Variants in METTL8 observed in about 807,000 individuals in gnomAD.
METTL8 encodes tRNA N(3)-cytidine methyltransferase METTL8, mitochondrial.
In METTL8, 32 loss-of-function variants were observed where a neutral mutation model predicts 48.7. That is an observed-to-expected ratio of 0.66 (90% confidence interval 0.50 to 0.88). The LOEUF (loss-of-function observed/expected upper bound fraction) is 0.88, where lower values mean the gene tolerates loss of function less well. METTL8 is among the 40% of genes least tolerant of loss of function. The probability of loss-of-function intolerance (pLI) is 0.00; values close to 1 mark genes in which losing one functional copy is unlikely to be tolerated. For missense variants in METTL8, 464 were observed against 474.4 expected, an observed-to-expected ratio of 0.98 and a Z score of 0.20; for synonymous variants, 136 against 157.1, an observed-to-expected ratio of 0.87 and a Z score of 1.01.
chr2:171,385,670 G>C (rs541503994), intron 2 of METTL8, among the ~76,000 whole-genome samples: 3 of 152,206 alleles, frequency 2.0e-5, no homozygotes, highest in East Asian at 1.9e-4. Flanking sequence ...CTATGAAGAT[G>C]GATGGCTGTC....
chr2:171,410,296 G>A (rs1419511997), intron 1 of METTL8, among the ~76,000 whole-genome samples: 3 of 152,182 alleles, frequency 2.0e-5, no homozygotes, highest in African/African-American at 7.2e-5. Context: ...GAAAAGAAAT[G>A]TCCTTGTTTA....
chr2:171,366,769 C>T (rs1012900849), intron 2 of METTL8, among the ~76,000 whole-genome samples: 5 of 151,684 alleles, frequency 3.3e-5, no homozygotes, highest in Non-Finnish European at 5.9e-5. Context: ...TAGCTCACAC[C>T]TGTAATCCCA....
rs1433492360 is a variant in METTL8, at chr2:171,370,397, A to G, written c.144-9884T>C. ...TATTAGCAAGTAATGCTTTTCTGAC[A>G]ATATAAAAAATGTTCTATAGGTTAG... is the stretch of plus-strand genomic sequence containing the variant. On this transcript the variant is annotated intron_variant, in intron 2 of 9. Coordinates refer to ENST00000375258, the MANE Select transcript of METTL8 (RefSeq NM_001321154.2). Among the ~76,000 whole-genome samples, 3 of 152,196 alleles carry G rather than the reference A, an allele frequency of 2.0e-5. No individual in the cohort carries two copies. In the East Asian group the frequency reaches 5.8e-4, roughly 29 times the overall value.
At chr2:171,434,557 C>T, upstream of METTL8, 1 of 1,525,128 alleles carries the variant, frequency 6.6e-7, no homozygotes, top group Non-Finnish European at 8.8e-7. Context: ...CCAGCCTACC[C>T]AGGGCCCGGC....
At chr2:171,416,283 G>T (rs1202915106) in intron 1 of METTL8, among the ~76,000 whole-genome samples, 1 of 152,174 alleles carries the variant, frequency 6.6e-6, no homozygotes, top group East Asian at 1.9e-4. Flanking sequence ...TCTACACCAG[G>T]ACAAGAGGAT....
intron 1 of METTL8, among the ~76,000 whole-genome samples, chr2:171,427,072 G>A (rs1411750748): frequency 6.6e-6 from 1 of 152,156 alleles, no homozygotes; most frequent in Non-Finnish European, 1.5e-5. Context: ...ATCACATCAT[G>A]TTTCCAATTT....
chr2:171,369,296 A>ACC (rs973444789), intron 2 of METTL8, among the ~76,000 whole-genome samples: 5 of 152,140 alleles, frequency 3.3e-5, no homozygotes, highest in African/African-American at 1.2e-4. Context: ...AGAGAGCGAG[A>ACC]CTCTGTCTCA....
rs117279253 is a variant in METTL8, at chr2:171,355,237, C to T, written c.235+5185G>A. Among the ~76,000 whole-genome samples, 380 of 152,324 alleles carry T rather than the reference C, an allele frequency of 2.5e-3. 7 individuals carry two copies. In the East Asian group the frequency reaches 0.028, roughly 11 times the overall value. On this transcript the variant is annotated intron_variant, in intron 3 of 9. Transcript: ENST00000375258. ...GTTGGAATTTGCTGGAGGTCCACTC[C>T]GGACCCTGTTAACCTAGGTATCACC...
chr2:171,367,727 CTGTATGA>C (rs1298896063), intron 2 of METTL8, among the ~76,000 whole-genome samples: 3 of 152,064 alleles, frequency 2.0e-5, no homozygotes. Flanking sequence ...TAGAGGTAAA[CTGTATGA>C]CAACAATATC....
At chr2:171,371,662 C>G (rs571319292) in intron 2 of METTL8, among the ~76,000 whole-genome samples, 2 of 151,876 alleles carry the variant, frequency 1.3e-5, no homozygotes, top group Non-Finnish European at 2.9e-5. Context: ...CAGCCTATAA[C>G]AAGGTTTTTT....
intron 3 of METTL8, among the ~76,000 whole-genome samples, chr2:171,359,893 G>A (rs1198483116): frequency 2.0e-5 from 3 of 152,074 alleles, no homozygotes; most frequent in Non-Finnish European, 2.9e-5. Context: ...GCCGGCTCCT[G>A]AGTTTTTTTG....
At chr2:171,340,963 C>G (rs1686688687) in intron 3 of METTL8, among the ~76,000 whole-genome samples, 1 of 152,208 alleles carries the variant, frequency 6.6e-6, no homozygotes, top group Admixed American at 6.5e-5. Flanking sequence ...ATCCTGTGGT[C>G]AGGGTTAGGT....
intron 3 of METTL8, 21 bp downstream of exon 3, chr2:171,360,401 C>A (rs752282136): frequency 6.2e-7 from 1 of 1,607,246 alleles, no homozygotes; most frequent in Non-Finnish European, 8.5e-7. Context: ...GCTCTAGGAG[C>A]TACAGCACGC....
At position 171,383,247 on chromosome 2, in the gene METTL8, CT is replaced by C. The variant is rs575834841; in HGVS notation, c.143+8795del. ...TTGGGATATGAACCCCATTGAGATT[CT>C]GTAAACTGTCTATTATTTAAGTGGG... is the stretch of plus-strand genomic sequence containing the variant. On this transcript the variant is annotated intron_variant, in intron 2 of 9. Transcript: ENST00000375258. Among the ~76,000 whole-genome samples, 428 of 152,206 alleles carry C rather than the reference CT, an allele frequency of 2.8e-3. 6 individuals are homozygous for C. The highest frequency in any genetic ancestry group is 9.7e-3 in the African/African-American group (401 of 41,512).
At chr2:171,427,771 T>G (rs577879116) in intron 1 of METTL8, among the ~76,000 whole-genome samples, 1 of 152,340 alleles carries the variant, frequency 6.6e-6, no homozygotes, top group African/African-American at 2.4e-5. Context: ...AGAAATCTTA[T>G]TTTTTCATCT....
chr2:171,362,266 G>A (rs1485481415), intron 2 of METTL8, among the ~76,000 whole-genome samples: 2 of 152,080 alleles, frequency 1.3e-5, no homozygotes, highest in South Asian at 2.1e-4. Context: ...TGGTAGCTAT[G>A]GAGAACAGGA....
rs533136150 is a variant in METTL8, at chr2:171,391,667, G to A, written c.143+376C>T. Reference sequence around the variant, plus strand: ...TGGTGCTCAGTAAGACACAGGTACTGATCTGCATTTGCTGGATGACAAGTA... The same window carrying A: ...TGGTGCTCAGTAAGACACAGGTACTAATCTGCATTTGCTGGATGACAAGTA... On this transcript the variant is annotated intron_variant, in intron 2 of 9. Transcript: ENST00000375258. Among the ~76,000 whole-genome samples the A allele has an allele frequency of 3.9e-4, 60 of 152,288 alleles. 1 individual carries two copies. The highest frequency in any genetic ancestry group is 3.4e-3 in the Middle Eastern group (1 of 294).
chr2:171,382,785 C>T (rs1453764935), intron 2 of METTL8, among the ~76,000 whole-genome samples: 2 of 151,824 alleles, frequency 1.3e-5, no homozygotes, highest in Admixed American at 1.3e-4. Context: ...AAAAAACACA[C>T]ATCTGGGCCA....
chr2:171,372,097 C>A (rs1385448078), intron 2 of METTL8, among the ~76,000 whole-genome samples: 2 of 152,022 alleles, frequency 1.3e-5, no homozygotes, highest in Non-Finnish European at 2.9e-5. Flanking sequence ...GAAACCAATA[C>A]CCACCTGCCT....
Sources: allele counts gnomAD v4.1 joint callset (sites outside exome capture counted in the v4.1 genomes callset), GRCh38; gene constraint gnomAD v4.1.1; transcripts MANE v1.5; gene names NCBI Gene and HGNC (gene_info 2026-07-23, HGNC 2026-07-21).